CNTNAP5: variants seen among roughly 807,000 people sequenced by gnomAD.
CNTNAP5 encodes contactin-associated protein-like 5.
Under a neutral mutation model 150.2 loss-of-function variants are expected in CNTNAP5, and 72 were observed. The observed-to-expected ratio is 0.48, with a 90% CI of 0.40 to 0.58. CNTNAP5 has a LOEUF of 0.58. CNTNAP5 is among the 20% of genes least tolerant of loss of function. The probability of loss-of-function intolerance (pLI) is 0.00; values close to 1 mark genes in which losing one functional copy is unlikely to be tolerated. For synonymous variants in CNTNAP5, 672 were observed against 619.8 expected (o/e 1.08, Z -1.25); for missense variants, 1,636 against 1,626.2 (o/e 1.01, Z -0.10).
chr2:124,110,351 G>A (rs569879622), intron 1 of CNTNAP5, among the ~76,000 whole-genome samples: 3 of 152,216 alleles, frequency 2.0e-5, no homozygotes, highest in South Asian at 2.1e-4. Flanking sequence ...TCATATAATC[G>A]ATGAATTCAC....
intron 13 of CNTNAP5, among the ~76,000 whole-genome samples, chr2:124,679,053 T>A (rs559286160): frequency 6.6e-6 from 1 of 152,038 alleles, no homozygotes; most frequent in South Asian, 2.1e-4. Flanking sequence ...GAAAGGGAAC[T>A]GTCAGCTCCA....
At chr2:124,476,918 C>T (rs1693654484) in intron 7 of CNTNAP5, among the ~76,000 whole-genome samples, 4 of 152,240 alleles carry the variant, frequency 2.6e-5, no homozygotes, top group Admixed American at 2.6e-4. Flanking sequence ...CAGTTGGTCT[C>T]TCTGGGTTGT....
chr2:124,108,177 GGT>G (rs1683209704), intron 1 of CNTNAP5, among the ~76,000 whole-genome samples: 1 of 151,984 alleles, frequency 6.6e-6, no homozygotes, highest in Admixed American at 6.6e-5. Context: ...AGTATTTTAG[GGT>G]AAAAATCTTG....
chr2:124,232,707 C>T (rs1686653756), intron 2 of CNTNAP5, among the ~76,000 whole-genome samples: 1 of 152,034 alleles, frequency 6.6e-6, no homozygotes, highest in South Asian at 2.1e-4. Context: ...AATTTTCTAG[C>T]CAATGAAAAT....
intron 11 of CNTNAP5, among the ~76,000 whole-genome samples, chr2:124,599,930 G>A (rs559556409): frequency 1.6e-4 from 25 of 151,966 alleles, no homozygotes; most frequent in African/African-American, 5.5e-4. Context: ...AGTTTAAGAC[G>A]CTGAATAACT....
chr2:124,031,457 G>C (rs896913803), intron 1 of CNTNAP5, among the ~76,000 whole-genome samples: 4 of 152,102 alleles, frequency 2.6e-5, no homozygotes, highest in Admixed American at 1.3e-4. Context: ...ACTCATTACT[G>C]TTTTGGAAAT....
intron 3 of CNTNAP5, among the ~76,000 whole-genome samples, chr2:124,325,024 T>C (rs1006986097): frequency 1.3e-5 from 2 of 152,226 alleles, no homozygotes; most frequent in African/African-American, 2.4e-5. Flanking sequence ...CAGGATGCTA[T>C]GGCTTGAATA....
At chr2:124,584,110 C>T (rs951825864) in intron 11 of CNTNAP5, among the ~76,000 whole-genome samples, 53 of 152,270 alleles carry the variant, frequency 3.5e-4, no homozygotes, top group African/African-American at 1.3e-3. Flanking sequence ...ATAATAAATA[C>T]AGGTATACCT....
At chr2:124,488,998 G>A (rs1412857406) in intron 7 of CNTNAP5, among the ~76,000 whole-genome samples, 1 of 152,140 alleles carries the variant, frequency 6.6e-6, no homozygotes, top group Admixed American at 6.6e-5. Context: ...CCTGTGTGTG[G>A]CAGAAGATGT....
chr2:124,689,508 T>C lies in CNTNAP5; in HGVS notation c.2077+41550T>C, dbSNP rs1679256183. Among the ~76,000 whole-genome samples the C allele has an allele frequency of 2.6e-5, 4 of 152,150 alleles. No individual in the cohort carries two copies. The South Asian group carries it at 8.3e-4, about 31-fold the overall frequency. On this transcript the variant is annotated intron_variant, in intron 13 of 23. Coordinates refer to ENST00000682447, the MANE Select transcript of CNTNAP5 (RefSeq NM_001367498.1). Reference sequence around the variant, plus strand: ...GTATTTGCATGTGTGTCTCTGCATGTATACATGTGTATGCACACATGTGTT... The same window carrying C: ...GTATTTGCATGTGTGTCTCTGCATGCATACATGTGTATGCACACATGTGTT...
At chr2:124,401,715 T>G (rs2584353) in intron 3 of CNTNAP5, among the ~76,000 whole-genome samples, 13,681 of 152,308 alleles carry the variant, frequency 0.09, 745 homozygotes, top group East Asian at 0.24. Flanking sequence ...ATGCAAATAA[T>G]TCACAGGCAA....
At chr2:124,624,325 G>C (rs1677676074) in intron 12 of CNTNAP5, among the ~76,000 whole-genome samples, 2 of 152,204 alleles carry the variant, frequency 1.3e-5, no homozygotes, top group Admixed American at 1.3e-4. Flanking sequence ...CACATGGATG[G>C]TAGCAGGAGG....
At chr2:124,134,496 A>T (rs1482295051) in intron 1 of CNTNAP5, among the ~76,000 whole-genome samples, 1 of 152,212 alleles carries the variant, frequency 6.6e-6, no homozygotes, top group Non-Finnish European at 1.5e-5. Flanking sequence ...TTCTTCAGAA[A>T]GCTTGCTATT....
chr2:124,172,209 G>C (rs938576857), intron 1 of CNTNAP5, among the ~76,000 whole-genome samples: 7 of 151,588 alleles, frequency 4.6e-5, no homozygotes, highest in African/African-American at 2.4e-5. Context: ...TAATTAACTT[G>C]GTATAAGTCA....
At position 124,907,803 on chromosome 2, in the gene CNTNAP5, A is replaced by G. The variant is rs1429341729; in HGVS notation, c.3656-3664A>G. ...CCGAAGGTGTCCATTAAGCATGGAT[A>G]TAGGCATGGTATTTTTAACTTTTGT... On this transcript the variant is annotated intron_variant, in intron 22 of 23. Transcript: ENST00000682447. 2.7e-5 allele frequency among the ~76,000 whole-genome samples: 4 copies of G among 150,904 alleles called. No homozygotes were observed. The East Asian group carries it at 7.8e-4, about 29-fold the overall frequency.
At chr2:124,579,734 A>G (rs1335105841) in intron 11 of CNTNAP5, among the ~76,000 whole-genome samples, 1 of 152,268 alleles carries the variant, frequency 6.6e-6, no homozygotes, top group Non-Finnish European at 1.5e-5. Flanking sequence ...TGAGGGCACC[A>G]TAACCTGTGA....
intron 13 of CNTNAP5, among the ~76,000 whole-genome samples, chr2:124,674,569 T>TCC (rs1178138547): frequency 6.7e-6 from 1 of 149,464 alleles, no homozygotes; most frequent in African/African-American, 2.5e-5. Flanking sequence ...CTTCCTTTCT[T>TCC]TCTTTCTTTT....
intron 14 of CNTNAP5, among the ~76,000 whole-genome samples, chr2:124,754,600 G>A (rs746583476): frequency 6.6e-6 from 1 of 152,124 alleles, no homozygotes; most frequent in Non-Finnish European, 1.5e-5. Flanking sequence ...TGCTGTTTCA[G>A]TCATTGAATA....
chr2:124,060,881 T>C (rs1273498084), intron 1 of CNTNAP5, among the ~76,000 whole-genome samples: 1 of 152,200 alleles, frequency 6.6e-6, no homozygotes, highest in Non-Finnish European at 1.5e-5. Context: ...TGGTGTTTTT[T>C]TGACTGGAAA....
Sources: allele counts gnomAD v4.1 joint callset (sites outside exome capture counted in the v4.1 genomes callset), GRCh38; gene constraint gnomAD v4.1.1; transcripts MANE v1.5; gene names NCBI Gene and HGNC (gene_info 2026-07-23, HGNC 2026-07-21).